The following RERE variants were observed in gnomAD, a reference collection of about 807,000 sequenced individuals.
RERE encodes the protein arginine-glutamic acid dipeptide repeats, also known as arginine-glutamic acid dipeptide repeats protein.
RERE carries 40 observed loss-of-function variants against 146.1 expected under a neutral mutation model. That is an observed-to-expected ratio of 0.27 (90% confidence interval 0.21 to 0.36). The LOEUF is 0.36. Ranked by LOEUF, RERE falls within the 10% of genes least tolerant of loss-of-function variation. The pLI is 1.00. For synonymous variants in RERE, 1,003 were observed against 866.0 expected, an observed-to-expected ratio of 1.16 and a Z score of -2.78; for missense variants, 1,933 against 2,138.7, an observed-to-expected ratio of 0.90 and a Z score of 1.90.
chr1:8,388,464 C>T (rs1231855371), intron 12 of RERE, among the ~76,000 whole-genome samples: 9 of 152,116 alleles, frequency 5.9e-5, no homozygotes, highest in East Asian at 3.9e-4. Flanking sequence ...GGACTACAGG[C>T]GCCCGCCACC....
At chr1:8,615,396 T>C (rs1191343284) in intron 3 of RERE, among the ~76,000 whole-genome samples, 1 of 152,216 alleles carries the variant, frequency 6.6e-6, no homozygotes, top group Non-Finnish European at 1.5e-5. Context: ...ACGTGTCTTT[T>C]TAAAATTAAC....
chr1:8,380,891 T>C (rs888408670), intron 12 of RERE: 1 of 456,632 alleles, frequency 2.2e-6, no homozygotes, highest in Non-Finnish European at 4.4e-6. Flanking sequence ...TCAGCGCTGC[T>C]GTAACGTCTG....
chr1:8,681,177 G>A (rs1036707280), intron 1 of RERE, among the ~76,000 whole-genome samples: 1 of 152,042 alleles, frequency 6.6e-6, no homozygotes, highest in South Asian at 2.1e-4. Flanking sequence ...GGAGAGAAAC[G>A]GCCAACAATA....
In RERE at chr1:8,360,258, C is replaced by T. The variant is rs951983578; in HGVS notation, c.3249G>A (p.Gly1083=). The change falls in exon 18 of 23, where the codon GGG becomes GGA. Residue 1083 remains glycine (G), a synonymous_variant. Transcript: ENST00000400908. ...GGACGGTGGGGAGTGGGCAGGACGA[C>T]CCCCCCGCTATGCTGCCTCCTGAAG... The part of the protein sequence containing the change: ...AAASGGSIAG[G]SSCPLPTVQI... 31 of 1,571,346 alleles carry T rather than the reference C, an allele frequency of 2.0e-5. No individual in the cohort carries two copies. Among genetic ancestry groups the T allele is most frequent in the Non-Finnish European group, 2.6e-5 (30 of 1,160,022 alleles).
rs1641929546 is a variant in RERE at position 8,817,171 on chromosome 1, G to C, written c.-156C>G. The C allele has an allele frequency of 6.6e-6, 1 of 152,252 alleles. No individual in the cohort carries two copies. The highest frequency in any genetic ancestry group is 2.4e-5 in the African/African-American group (1 of 41,458). 9.4% of individuals were successfully genotyped at this position (152,252 alleles called of 1,614,324 possible). A position where few individuals can be genotyped will look rare whatever the true frequency, so the allele number is the denominator to read the frequency against. On this transcript the variant is annotated 5_prime_UTR_variant, in exon 1 of 23. Transcript: ENST00000400908. ...AGTTGGACACTTACCTTCCCCTAAA[G>C]CGCTACACCATCAATAGTGAGGTGT...
At chr1:8,521,101 TGAGA>T (rs1052694862) in intron 7 of RERE, among the ~76,000 whole-genome samples, 63 of 142,286 alleles carry the variant, frequency 4.4e-4, no homozygotes, top group African/African-American at 1.6e-3. Flanking sequence ...TGTGTGTAAG[TGAGA>T]AAGTGGCAGG....
chr1:8,501,011 C>T (rs1330667764), intron 8 of RERE, among the ~76,000 whole-genome samples: 1 of 134,314 alleles, frequency 7.4e-6, no homozygotes, highest in East Asian at 2.3e-4. Context: ...CGTCTCCGCC[C>T]GGCAGCCACC....
rs1350947806 is a variant in RERE, at chr1:8,355,426, A to G, written c.4660T>C (p.Tyr1554His). The G allele has an allele frequency of 6.2e-7, 1 of 1,612,832 alleles. No individual in the cohort carries two copies. Among genetic ancestry groups the G allele is most frequent in the East Asian group, 2.2e-5 (1 of 44,864 alleles). The change falls in exon 22 of 23, where the codon TAT (tyrosine) becomes CAT (histidine). Residue 1554 changes from tyrosine (Y) to histidine (H), a missense_variant. By Grantham distance (83) the Tyr-to-His change is moderately conservative. Transcript: ENST00000400908. ...CCCAGCACCCCACCTCACCTGTAAT[A>G]ATCTTCCTGACTTGGTAGGTGGCCA... Reference protein sequence around the residue: ...HGGHLPSQEDYYSRLKKEGDK... With the variant: ...HGGHLPSQEDHYSRLKKEGDK...
chr1:8,521,522 T>A (rs777318941), intron 7 of RERE, among the ~76,000 whole-genome samples: 1 of 152,224 alleles, frequency 6.6e-6, no homozygotes, highest in Non-Finnish European at 1.5e-5. Flanking sequence ...GTTGTTGAGA[T>A]AATCATATCT....
intron 1 of RERE, among the ~76,000 whole-genome samples, chr1:8,674,944 T>C (rs986789313): frequency 6.6e-6 from 1 of 152,168 alleles, no homozygotes; most frequent in African/African-American, 2.4e-5. Context: ...AAATGCAACC[T>C]GGGAGGCTGA....
In RERE at chr1:8,815,666, G is replaced by A. The variant is rs527725262; in HGVS notation, c.-145+1494C>T. Among the ~76,000 whole-genome samples the A allele has an allele frequency of 3.9e-5, 6 of 152,274 alleles. No individual in the cohort carries two copies. The East Asian group carries it at 9.6e-4, about 24-fold the overall frequency. On this transcript the variant is annotated intron_variant, in intron 1 of 22. Transcript: ENST00000400908. ...CAAGGTTGCAAAAACGGCCAGGCAT[G>A]AGATGGGTGGAAGAAAGCTGTAACA...
At chr1:8,616,018 C>T (rs1450416056) in intron 3 of RERE, among the ~76,000 whole-genome samples, 1 of 152,168 alleles carries the variant, frequency 6.6e-6, no homozygotes, top group African/African-American at 2.4e-5. Context: ...CTTCTCCCCA[C>T]CATCACCAAC....
intron 4 of RERE, among the ~76,000 whole-genome samples, chr1:8,605,576 C>A (rs1287265876): frequency 1.3e-5 from 2 of 151,680 alleles, no homozygotes; most frequent in African/African-American, 4.8e-5. Context: ...TGGTAAAACC[C>A]CATCTCTACA....
chr1:8,455,596 A>G (rs1644444955), intron 11 of RERE, among the ~76,000 whole-genome samples: 1 of 152,352 alleles, frequency 6.6e-6, no homozygotes, highest in Admixed American at 6.5e-5. Flanking sequence ...GGACACATCC[A>G]GTTAATTAAT....
chr1:8,367,256 G>A (rs1194582558), intron 12 of RERE, among the ~76,000 whole-genome samples: 1 of 152,232 alleles, frequency 6.6e-6, no homozygotes, highest in African/African-American at 2.4e-5. Flanking sequence ...CACCCCCAGA[G>A]GAAATGGCCT....
chr1:8,634,964 C>T (rs1016856703), intron 2 of RERE, among the ~76,000 whole-genome samples: 1 of 152,032 alleles, frequency 6.6e-6, no homozygotes, highest in Non-Finnish European at 1.5e-5. Flanking sequence ...CTTGATCTCC[C>T]GACCTCGTGA....
chr1:8,639,023 TCGGC>T (rs1647140108), intron 2 of RERE, among the ~76,000 whole-genome samples: 2 of 152,090 alleles, frequency 1.3e-5, no homozygotes. Context: ...TCCTCCCATC[TCGGC>T]CTCCCAAAGT....
intron 11 of RERE, among the ~76,000 whole-genome samples, chr1:8,446,676 T>C (rs1342766719): frequency 1.3e-5 from 2 of 152,142 alleles, no homozygotes; most frequent in African/African-American, 2.4e-5. Flanking sequence ...GCTTTGTTCA[T>C]TTCTTTTCTT....
intron 4 of RERE, among the ~76,000 whole-genome samples, chr1:8,603,284 C>T (rs1299677562): frequency 2.6e-5 from 4 of 152,230 alleles, no homozygotes; most frequent in Non-Finnish European, 5.9e-5. Flanking sequence ...GTGCCAAGGG[C>T]ACATTTATGC....
Sources: gnomAD v4.1 joint callset for allele counts (sites outside exome capture counted in the v4.1 genomes callset) on GRCh38, gnomAD v4.1.1 for gene constraint, MANE v1.5 for transcripts, NCBI Gene and HGNC (gene_info 2026-07-23, HGNC 2026-07-21) for gene names.